The following GNAO1 variants were observed in gnomAD, a reference collection of about 807,000 sequenced individuals.
GNAO1 encodes guanine nucleotide-binding protein G(o) subunit alpha.
For synonymous variants in GNAO1, 164 were observed against 180.7 expected, an observed-to-expected ratio of 0.91 and a Z score of 0.74; for missense variants, 166 against 478.7, an observed-to-expected ratio of 0.35 and a Z score of 6.10.
intron 4 of GNAO1, among the ~76,000 whole-genome samples, chr16:56,330,456 T>C (rs111840150): frequency 2.1e-5 from 3 of 145,602 alleles, no homozygotes; most frequent in African/African-American, 7.5e-5. Context: ...CCCATTTCAC[T>C]AATTATAACA....
At chr16:56,290,818 C>A (rs758285216) in intron 3 of GNAO1, among the ~76,000 whole-genome samples, 10 of 152,194 alleles carry the variant, frequency 6.6e-5, no homozygotes, top group Non-Finnish European at 1.3e-4. Flanking sequence ...CTGCCTGCAG[C>A]CCCTGGCAAC....
At chr16:56,309,614 C>T (rs1567478108) in intron 3 of GNAO1, among the ~76,000 whole-genome samples, 1 of 152,238 alleles carries the variant, frequency 6.6e-6, no homozygotes, top group Non-Finnish European at 1.5e-5. Context: ...ACTGTACATT[C>T]CCAGCCAATC....
rs183118233 is a variant in GNAO1, at chr16:56,312,441, G to C, written c.304-16190G>C. Among the ~76,000 whole-genome samples, 7 of 152,328 alleles carry C rather than the reference G, an allele frequency of 4.6e-5. No individual in the cohort carries two copies. The East Asian group carries it at 1.4e-3, about 29-fold the overall frequency. On this transcript the variant is annotated intron_variant, in intron 3 of 8. Coordinates refer to ENST00000262493, the MANE Select transcript of GNAO1 (RefSeq NM_020988.3). ...CCCCTGAGTGCATGTGTGGGTGTTT[G>C]TCTGTCTATCTGAGTCCCAAGGCTC...
intron 2 of GNAO1, among the ~76,000 whole-genome samples, chr16:56,220,872 T>A (rs2036478438): frequency 6.6e-6 from 1 of 152,140 alleles, no homozygotes; most frequent in Non-Finnish European, 1.5e-5. Context: ...CTCAGCCACC[T>A]GAGTACCTGG....
rs1459640223 is a variant in GNAO1 at position 56,325,818 on chromosome 16, A to G, written c.304-2813A>G. Among the ~76,000 whole-genome samples the G allele has an allele frequency of 2.6e-5, 4 of 152,328 alleles. No homozygotes were observed. In the South Asian group the frequency reaches 8.3e-4, roughly 32 times the overall value. ...AAGGGACCCAGCCTTGGGGACCTAAATACCATGACACTTCCCTGCTTCTTT... is the reference window on the plus strand; with the variant it reads ...AAGGGACCCAGCCTTGGGGACCTAAGTACCATGACACTTCCCTGCTTCTTT... On this transcript the variant is annotated intron_variant, in intron 3 of 8. Coordinates refer to ENST00000262493, the MANE Select transcript of GNAO1 (RefSeq NM_020988.3).
At chr16:56,332,988 G>A (rs1461861200) in intron 4 of GNAO1, among the ~76,000 whole-genome samples, 1 of 152,210 alleles carries the variant, frequency 6.6e-6, no homozygotes, top group Non-Finnish European at 1.5e-5. Flanking sequence ...CTGTGAGGCC[G>A]GGGGCGTGTA....
At chr16:56,352,650 G>C (rs562361358) in intron 7 of GNAO1, 4 of 152,302 alleles carry the variant, frequency 2.6e-5, no homozygotes. Context: ...AGCATAGGTC[G>C]ATGCTGGTCT....
At chr16:56,280,090 G>A (rs1183138695) in intron 3 of GNAO1, among the ~76,000 whole-genome samples, 8 of 152,188 alleles carry the variant, frequency 5.3e-5, no homozygotes, top group African/African-American at 9.7e-5. Context: ...ACCATGTGTC[G>A]GGCTGGTACT....
intron 4 of GNAO1, among the ~76,000 whole-genome samples, chr16:56,329,574 T>G (rs550336587): frequency 6.6e-6 from 1 of 152,286 alleles, no homozygotes; most frequent in African/African-American, 2.4e-5. Flanking sequence ...AGCCCTGGGA[T>G]GGTCAGCGTT....
intron 1 of GNAO1, 107 bp downstream of exon 1, chr16:56,192,460 G>A (rs2036185647): frequency 1.2e-6 from 1 of 817,316 alleles, no homozygotes; most frequent in Non-Finnish European, 2.1e-6. Flanking sequence ...TCCCCAAGTT[G>A]GCACCACCAT....
intron 6 of GNAO1, chr16:56,345,039 C>T: frequency 1.0e-6 from 1 of 985,340 alleles, no homozygotes; most frequent in Non-Finnish European, 1.2e-6. Context: ...TGGACCCAGG[C>T]CAGCACAAAC....
intron 2 of GNAO1, among the ~76,000 whole-genome samples, chr16:56,229,278 C>T: frequency 6.6e-6 from 1 of 152,162 alleles, no homozygotes; most frequent in Non-Finnish European, 1.5e-5. Flanking sequence ...AATCTCAGCT[C>T]ACTGCGACTT....
At chr16:56,323,368 C>T (rs1303972696) in intron 3 of GNAO1, among the ~76,000 whole-genome samples, 3 of 152,200 alleles carry the variant, frequency 2.0e-5, no homozygotes, top group African/African-American at 7.2e-5. Flanking sequence ...TAAGAAAACA[C>T]ACACTGAAGA....
chr16:56,352,268 C>T (rs370851582), intron 7 of GNAO1: 2 of 152,580 alleles, frequency 1.3e-5, no homozygotes, highest in African/African-American at 2.4e-5. Flanking sequence ...ACCTTCCCCC[C>T]CACCCGGCTC....
In GNAO1 at chr16:56,311,650, G is replaced by A. The variant is rs2037459948; in HGVS notation, c.304-16981G>A. Among the ~76,000 whole-genome samples the A allele has an allele frequency of 6.6e-6, 1 of 152,116 alleles. No homozygotes were observed. On this transcript the variant is annotated intron_variant, in intron 3 of 8. Coordinates refer to ENST00000262493, the MANE Select transcript of GNAO1 (RefSeq NM_020988.3). The surrounding 1 kb of genome is among the most constrained non-coding windows in gnomAD (Gnocchi z 5.2). Reference sequence around the variant, plus strand: ...TCCTCCCTCCCTGCTGACATAGCTTGGCAGATGAGTCCCCGGAGGCTTGGC... The same window carrying A: ...TCCTCCCTCCCTGCTGACATAGCTTAGCAGATGAGTCCCCGGAGGCTTGGC...
At chr16:56,255,431 A>C (rs2036837623) in intron 2 of GNAO1, 1 of 152,194 alleles carries the variant, frequency 6.6e-6, no homozygotes, top group African/African-American at 2.4e-5. Flanking sequence ...ATCTTTTCTG[A>C]GTAGTGTATA....
Position 56,220,307 on chromosome 16 carries a change from A to G in GNAO1, c.161+27691A>G, listed in dbSNP as rs571481814. Among the ~76,000 whole-genome samples the G allele has an allele frequency of 1.8e-4, 28 of 152,282 alleles. No individual in the cohort carries two copies. The South Asian group carries it at 5.6e-3, about 30-fold the overall frequency. On this transcript the variant is annotated intron_variant, in intron 2 of 8. Transcript: ENST00000262493. ...GTATGCTGTTTCCTCCCCTCTGAAAAAAAGTACCTCAGAATGTGCTTTCAG... is the reference window on the plus strand; with the variant it reads ...GTATGCTGTTTCCTCCCCTCTGAAAGAAAGTACCTCAGAATGTGCTTTCAG...
intron 2 of GNAO1, among the ~76,000 whole-genome samples, chr16:56,275,412 T>G (rs771909043): frequency 3.3e-5 from 5 of 152,244 alleles, no homozygotes; most frequent in Non-Finnish European, 7.3e-5. Flanking sequence ...AGGCAAACCC[T>G]TTTATTGACT....
intron 2 of GNAO1, among the ~76,000 whole-genome samples, chr16:56,198,365 T>C (rs2036252314): frequency 6.6e-6 from 1 of 152,236 alleles, no homozygotes; most frequent in African/African-American, 2.4e-5. Context: ...GTCCAACAGA[T>C]CTGTGATTAG....
Sources: gnomAD v4.1 joint callset for allele counts (sites outside exome capture counted in the v4.1 genomes callset) on GRCh38, gnomAD v4.1.1 for gene constraint, Gnocchi (gnomAD v3.1) non-coding constraint, MANE v1.5 for transcripts, NCBI Gene and HGNC (gene_info 2026-07-23, HGNC 2026-07-21) for gene names.